SCN4A: variants seen among roughly 807,000 people sequenced by gnomAD.
The protein encoded by SCN4A is sodium channel protein type 4 subunit alpha.
In SCN4A, 83 loss-of-function variants were observed where a neutral mutation model predicts 162.0. The ratio of observed to expected loss-of-function variants is 0.51; its 90% confidence interval spans 0.43 to 0.61. The LOEUF (loss-of-function observed/expected upper bound fraction) is 0.61, where lower values mean the gene tolerates loss of function less well. SCN4A is among the 20% of genes least tolerant of loss of function. The probability of loss-of-function intolerance (pLI) is 0.00; values close to 1 mark genes in which losing one functional copy is unlikely to be tolerated. For missense variants in SCN4A, 2,196 were observed against 2,462.5 expected, an observed-to-expected ratio of 0.89 and a Z score of 2.29; for synonymous variants, 944 against 985.1, an observed-to-expected ratio of 0.96 and a Z score of 0.78.
chr17:63,952,143 G>C (rs1014800623), intron 13 of SCN4A, among the ~76,000 whole-genome samples: 11 of 152,194 alleles, frequency 7.2e-5, no homozygotes, highest in South Asian at 2.1e-4. Context: ...CAGAGGCAGG[G>C]TTTAGGGAGG....
intron 12 of SCN4A, among the ~76,000 whole-genome samples, chr17:63,958,092 G>A (rs935775533): frequency 6.6e-6 from 1 of 151,046 alleles, no homozygotes; most frequent in African/African-American, 2.4e-5. Context: ...ACTATGGCTG[G>A]GAGCAGTTGG....
In SCN4A at chr17:63,963,703, G is replaced by A. The variant is rs376538198; in HGVS notation, c.1575C>T (p.Ser525=). ...GEKGAPRQSS[S]GDSGISDAME... The stretch of plus-strand genomic sequence containing the variant: ...TGGCGTCGGAGATGCCGCTGTCTCC[G>A]CTGCTGCTCTGCCTCGGGGCTCCCT... The change falls in exon 10 of 24, where the codon AGC becomes AGT. Residue 525 remains serine (S), a synonymous_variant. Transcript: ENST00000435607. 9.4e-6 allele frequency: 15 copies of A among 1,595,874 alleles called. No homozygotes were observed. Among genetic ancestry groups the A allele is most frequent in the African/African-American group, 5.4e-5 (4 of 74,582 alleles).
intron 12 of SCN4A, 104 bp from the exon 13 acceptor site, chr17:63,957,622 C>T (rs1309155364): frequency 2.8e-6 from 2 of 714,630 alleles, no homozygotes; most frequent in South Asian, 1.8e-5. Context: ...GAATCTCCAG[C>T]CCCCCACACC....
Position 63,945,150 on chromosome 17 carries a change from CCCTGCCAGAGGCCG to C in SCN4A, c.3721-104_3721-91del, listed in dbSNP as rs1433850580. ...CCCTCCCCCACCCAACCTGGTCCTCCCCTGCCAGAGGCCGCCTGCCAGAGCCCCACTGGGCTAGC... is the reference window on the plus strand; with the variant it reads ...CCCTCCCCCACCCAACCTGGTCCTCCCCTGCCAGAGCCCCACTGGGCTAGC... On this transcript the variant is annotated intron_variant, in intron 19 of 23. Coordinates refer to ENST00000435607, the MANE Select transcript of SCN4A (RefSeq NM_000334.4). This position sits in a 1 kb window ranked among gnomAD's most constrained non-coding sequence, Gnocchi z 4.4. 2 of 1,399,428 alleles carry C rather than the reference CCCTGCCAGAGGCCG, an allele frequency of 1.4e-6. No homozygotes were observed. Among genetic ancestry groups the C allele is most frequent in the African/African-American group, 1.4e-5 (1 of 70,630 alleles). The allele number at this position is 1,399,428 out of a possible 1,614,324, so 86.7% of individuals were successfully genotyped here.
intron 11 of SCN4A, 24 bp from the exon 12 acceptor site, chr17:63,959,462 T>TC (rs747539739): frequency 1.1e-4 from 181 of 1,608,108 alleles, no homozygotes; most frequent in Non-Finnish European, 1.5e-4. Context: ...TGAGGCCCTG[T>TC]CACAGAGCCT....
Position 63,959,283 on chromosome 17 carries a change from C to T in SCN4A, c.2001G>A (p.Val667=). ...TGTGTACCAGACGGAAGGAGCGTAG[C>T]ACAGACAGTCCCTGTACGTTGGCCA... ...LGLANVQGLS[V]LRSFRLLRVF... Residue 667 remains valine (V), a synonymous_variant, in exon 12 of 24, where the codon GTG becomes GTA. Transcript: ENST00000435607. 1 of 1,613,596 alleles carries T rather than the reference C, an allele frequency of 6.2e-7. No individual in the cohort carries two copies. Among genetic ancestry groups the T allele is most frequent in the East Asian group, 2.2e-5 (1 of 44,864 alleles).
chr17:63,952,644 G>A (rs1413173983), intron 13 of SCN4A, among the ~76,000 whole-genome samples: 17 of 152,120 alleles, frequency 1.1e-4, no homozygotes, highest in Admixed American at 1.1e-3. Context: ...CTCTGGAAGG[G>A]ACATCTGACC....
chr17:63,957,470 T>G lies in SCN4A; in HGVS notation c.2068A>C (p.Ile690Leu), dbSNP rs1909107167. 2 of 1,613,790 alleles carry G rather than the reference T, an allele frequency of 1.2e-6. No homozygotes were observed. The highest frequency in any genetic ancestry group is 1.7e-6 in the Non-Finnish European group (2 of 1,179,888). ...CCCACTGAATTGCCAATGATCTTGATGAGCATGTTCAGCGTTGGCCACGAC... is the reference window on the plus strand; with the variant it reads ...CCCACTGAATTGCCAATGATCTTGAGGAGCATGTTCAGCGTTGGCCACGAC... ...AKSWPTLNML[I>L]KIIGNSVGAL... Residue 690 changes from isoleucine to leucine, a missense_variant, in exon 13 of 24, where the codon ATC becomes CTC. Physicochemically the swap from Ile to Leu is conservative, Grantham distance 5. Transcript: ENST00000435607.
chr17:63,970,492 CTTG>C (rs1047925010), intron 5 of SCN4A, among the ~76,000 whole-genome samples: 7 of 152,134 alleles, frequency 4.6e-5, no homozygotes, highest in African/African-American at 1.7e-4. Context: ...GAGACAGAGT[CTTG>C]TTCTTTTTCC....
chr17:63,943,926 G>GGGT, intron 21 of SCN4A, 76 bp from the exon 22 acceptor site: 14 of 914,094 alleles, frequency 1.5e-5, no homozygotes, highest in Non-Finnish European at 2.5e-5. Flanking sequence ...ACCTCAGTGG[G>GGGT]GCACCTCACC....
rs761599482 is a variant in SCN4A, at chr17:63,968,144, TGTGTCATTGCCGTACCAC to T, written c.897_914del (p.Asp304_Asn309del). ...CGTACCACATCTCATTGCCATACCA[TGTGTCATTGCCGTACCAC>T]GTGTCATTGCTGTACCACGTGGTGT... is the stretch of plus-strand genomic sequence containing the variant. On this transcript the variant is annotated inframe_deletion, in exon 6 of 24. Coordinates refer to ENST00000435607, the MANE Select transcript of SCN4A (RefSeq NM_000334.4). 5.6e-6 allele frequency: 9 copies of T among 1,613,730 alleles called. No individual in the cohort carries two copies. The highest frequency in any genetic ancestry group is 1.6e-4 in the Middle Eastern group (1 of 6,084).
Position 63,971,271 on chromosome 17 carries a change from G to T in SCN4A, c.612-18C>A, listed in dbSNP as rs377510393. Reference sequence around the variant, plus strand: ...TCAGGTACCTGGGTAGGGGGTGGAGGGGGGTGGGGACTGTCAGAGCCTGGG... The same window carrying T: ...TCAGGTACCTGGGTAGGGGGTGGAGTGGGGTGGGGACTGTCAGAGCCTGGG... On this transcript the variant is annotated intron_variant, in intron 4 of 23. Coordinates refer to ENST00000435607, the MANE Select transcript of SCN4A (RefSeq NM_000334.4). The T allele has an allele frequency of 5.0e-4, 708 of 1,426,348 alleles. 8 individuals carry two copies. The African/African-American group carries it at 8.8e-3, about 18-fold the overall frequency. The allele number at this position is 1,426,348 out of a possible 1,614,324, so 88.4% of individuals were successfully genotyped here. A position where few individuals can be genotyped will look rare whatever the true frequency, so the allele number is the denominator to read the frequency against.
At position 63,968,342 on chromosome 17, in the gene SCN4A, G is replaced by A. The variant is rs568242866; in HGVS notation, c.717C>T (p.Ile239=). 1.1e-5 allele frequency: 18 copies of A among 1,598,918 alleles called. No individual in the cohort carries two copies. The East Asian group carries it at 1.8e-4, about 16-fold the overall frequency. The stretch of plus-strand genomic sequence containing the variant: ...TCACCGACTGGATCAGGGCCCCCAC[G>A]ATCGTCTTCAGCCCTGACCGCAGAG... ...TITVIPGLKT[I]VGALIQSVKK... Residue 239 remains isoleucine, a synonymous_variant, in exon 6 of 24, where the codon ATC becomes ATT. Coordinates refer to ENST00000435607, the MANE Select transcript of SCN4A (RefSeq NM_000334.4).
At chr17:63,954,661 C>T (rs549404319) in intron 13 of SCN4A, among the ~76,000 whole-genome samples, 1 of 152,278 alleles carries the variant, frequency 6.6e-6, no homozygotes, top group East Asian at 1.9e-4. Flanking sequence ...CCCTGGTGGC[C>T]TCTGGCAGAC....
chr17:63,951,786 A>G lies in SCN4A; in HGVS notation c.2491T>C (p.Leu831=), dbSNP rs1206758107. The stretch of plus-strand genomic sequence containing the variant: ...AAGGCCTTGGCAAAGCCGATGCCCA[A>G]CTTGATGCGCCCGATGGCAATCTGC... ...NLQIAIGRIK[L]GIGFAKAFLL... is the part of the protein sequence containing the mutation. Residue 831 remains leucine (L), a synonymous_variant, in exon 14 of 24, where the codon TTG becomes CTG. Transcript: ENST00000435607. The surrounding 1 kb of genome is among the most constrained non-coding windows in gnomAD (Gnocchi z 4.5). 6.3e-7 allele frequency: 1 copy of G among 1,584,996 alleles called. No homozygotes were observed. The highest frequency in any genetic ancestry group is 1.3e-5 in the African/African-American group (1 of 74,290).
intron 13 of SCN4A, among the ~76,000 whole-genome samples, chr17:63,952,449 G>A (rs1313552127): frequency 6.6e-6 from 1 of 152,084 alleles, no homozygotes; most frequent in African/African-American, 2.4e-5. Flanking sequence ...CATCACCACG[G>A]TGCCTGGCCC....
chr17:63,957,474 C>T lies in SCN4A; in HGVS notation c.2064G>A (p.Met688Ile), dbSNP rs1282546952. 6.2e-7 allele frequency: 1 copy of T among 1,613,866 alleles called. No individual in the cohort carries two copies. The highest frequency in any genetic ancestry group is 1.7e-5 in the Admixed American group (1 of 60,010). ...CTGAATTGCCAATGATCTTGATGAGCATGTTCAGCGTTGGCCACGACTTGG... is the reference window on the plus strand; with the variant it reads ...CTGAATTGCCAATGATCTTGATGAGTATGTTCAGCGTTGGCCACGACTTGG... Reference protein sequence around the residue: ...KLAKSWPTLNMLIKIIGNSVG... With the variant: ...KLAKSWPTLNILIKIIGNSVG... The change falls in exon 13 of 24, where the codon ATG becomes ATA. Residue 688 changes from methionine to isoleucine, a missense_variant. Physicochemically the swap from Met to Ile is conservative, Grantham distance 10 (BLOSUM62 1). Coordinates refer to ENST00000435607, the MANE Select transcript of SCN4A (RefSeq NM_000334.4).
Position 63,961,196 on chromosome 17 carries a change from G to A in SCN4A, c.1842C>T (p.Asn614=), listed in dbSNP as rs767010444. The change falls in exon 11 of 24, where the codon AAC becomes AAT. Residue 614 remains asparagine, a synonymous_variant. Coordinates refer to ENST00000435607, the MANE Select transcript of SCN4A (RefSeq NM_000334.4). ...EHFDNVLTVG[N]LVFTGIFTAE... is the part of the protein sequence containing the mutation. ...CCCCTCCCCCGCCCCTCCCTACCAG[G>A]TTGCCCACAGTGAGCACGTTGTCAA... The A allele has an allele frequency of 9.0e-6, 13 of 1,445,178 alleles. No homozygotes were observed. In the South Asian group the frequency reaches 1.3e-4, roughly 14 times the overall value. The allele number at this position is 1,445,178 out of a possible 1,614,324, so 89.5% of individuals were successfully genotyped here.
intron 23 of SCN4A, among the ~76,000 whole-genome samples, chr17:63,942,345 G>A (rs1380384751): frequency 2.0e-5 from 3 of 152,060 alleles, no homozygotes; most frequent in Admixed American, 6.6e-5. Context: ...GAACAGCTGC[G>A]TGACTCTGGG....
Sources: allele counts gnomAD v4.1 joint callset (sites outside exome capture counted in the v4.1 genomes callset), GRCh38; gene constraint gnomAD v4.1.1; non-coding constraint Gnocchi (gnomAD v3.1); transcripts MANE v1.5; gene names NCBI Gene and HGNC (gene_info 2026-07-23, HGNC 2026-07-21).